The following TOP2B variants were observed in gnomAD, a reference collection of about 807,000 sequenced individuals.
The protein encoded by TOP2B is DNA topoisomerase 2-beta.
TOP2B carries 51 observed loss-of-function variants against 193.5 expected under a neutral mutation model. That is an observed-to-expected ratio of 0.26 (90% CI 0.21 to 0.33). The LOEUF (loss-of-function observed/expected upper bound fraction) is 0.33. Ranked by LOEUF, TOP2B falls within the 10% of genes least tolerant of loss-of-function variation. The pLI is 1.00. For synonymous variants in TOP2B, 634 were observed against 635.7 expected (o/e 1.00, Z 0.04); for missense variants, 1,378 against 1,909.3 (o/e 0.72, Z 5.19).
In TOP2B at chr3:25,598,411, C is replaced by G. The variant is rs894117804; in HGVS notation, c.4777G>C (p.Glu1593Gln). Residue 1593 changes from glutamate (E) to glutamine (Q), a missense_variant, in exon 36 of 36, where the codon GAG becomes CAG. Physicochemically the swap from Glu to Gln is conservative, Grantham distance 29. This residue lies in a region of TOP2B where 556 missense variants were observed against 584.2 expected (regional missense o/e 0.95). Transcript: ENST00000264331. ...VDIFPSDFPT[E>Q]PPSLPRTGRA... ...CCGGTTCGTGGCAGAGAAGGTGGCTCAGTAGGGAAGTCTGAGGGGAAGATG... is the reference window on the plus strand; with the variant it reads ...CCGGTTCGTGGCAGAGAAGGTGGCTGAGTAGGGAAGTCTGAGGGGAAGATG... 6.2e-7 allele frequency: 1 copy of G among 1,613,474 alleles called. No individual in the cohort carries two copies. Among genetic ancestry groups the G allele is most frequent in the Non-Finnish European group, 8.5e-7 (1 of 1,179,616 alleles).
intron 4 of TOP2B, among the ~76,000 whole-genome samples, chr3:25,641,001 C>T (rs909734573): frequency 6.6e-6 from 1 of 152,072 alleles, no homozygotes; most frequent in African/African-American, 2.4e-5. Context: ...AGACTGGTCT[C>T]GAGCTCCTGG....
chr3:25,637,275 A>G lies in TOP2B; in HGVS notation c.579T>C (p.Ile193=). The G allele has an allele frequency of 6.4e-7, 1 of 1,560,260 alleles. No individual in the cohort carries two copies. The highest frequency in any genetic ancestry group is 8.7e-7 in the Non-Finnish European group (1 of 1,150,574). The change falls in exon 6 of 36, where the codon ATT becomes ATC. Residue 193 remains isoleucine (I), a synonymous_variant. Coordinates refer to ENST00000264331, the MANE Select transcript of TOP2B (RefSeq NM_001330700.2). The stretch of plus-strand genomic sequence containing the variant: ...TTTCTACTGTAAACTTTGTACTGAA[A>G]ATATTACAAAGTTTTGCACCATAAC... The part of the protein sequence containing the change: ...RNGYGAKLCN[I]FSTKFTVETA...
At chr3:25,662,986 C>T in intron 1 of TOP2B, among the ~76,000 whole-genome samples, 1 of 152,218 alleles carries the variant, frequency 6.6e-6, no homozygotes, top group Non-Finnish European at 1.5e-5. Context: ...TCCACATGGA[C>T]CACTAACTTA....
intron 28 of TOP2B, among the ~76,000 whole-genome samples, 167 bp downstream of exon 28, chr3:25,612,348 T>A (rs1306925071): frequency 6.6e-6 from 1 of 152,234 alleles, no homozygotes; most frequent in Non-Finnish European, 1.5e-5. Context: ...TTTACCAATA[T>A]GTTTTCCTTC....
intron 1 of TOP2B, among the ~76,000 whole-genome samples, chr3:25,649,782 A>C (rs1319223810): frequency 6.6e-6 from 1 of 152,204 alleles, no homozygotes; most frequent in Non-Finnish European, 1.5e-5. Flanking sequence ...AAAGGATAAA[A>C]AATAGCAACA....
At chr3:25,629,995 T>G in intron 13 of TOP2B, 34 bp downstream of exon 13, 2 of 1,545,366 alleles carry the variant, frequency 1.3e-6, no homozygotes, top group Non-Finnish European at 1.7e-6. Flanking sequence ...GAAGAAGACA[T>G]GAATTTGAAA....
Position 25,664,130 on chromosome 3 carries a change from G to A in TOP2B, c.69+99C>T, listed in dbSNP as rs114032289. The A allele has an allele frequency of 1.6e-3, 2,479 of 1,503,058 alleles. 33 individuals carry two copies. In the African/African-American group the frequency reaches 0.03, roughly 18 times the overall value. 93.1% of individuals were successfully genotyped at this position (1,503,058 alleles called of 1,614,324 possible). On this transcript the variant is annotated intron_variant, in intron 1 of 35. Coordinates refer to ENST00000264331, the MANE Select transcript of TOP2B (RefSeq NM_001330700.2). ...CTATGGAGCGCCCGTTCGGGGGACG[G>A]GATTTCCCTCCCTTTCCCCTCCCCC...
chr3:25,599,243 CAGTT>C (rs1342791849), intron 35 of TOP2B, among the ~76,000 whole-genome samples, 188 bp downstream of exon 35: 1 of 152,064 alleles, frequency 6.6e-6, no homozygotes, highest in Non-Finnish European at 1.5e-5. Context: ...ATTTATAGCA[CAGTT>C]ATTTAGGAAA....
intron 28 of TOP2B, among the ~76,000 whole-genome samples, chr3:25,610,521 C>T (rs1428985397): frequency 1.3e-5 from 2 of 152,142 alleles, no homozygotes; most frequent in Non-Finnish European, 1.5e-5. Flanking sequence ...GCAGAAGGCA[C>T]AAAGCCATCT....
intron 1 of TOP2B, among the ~76,000 whole-genome samples, chr3:25,655,375 C>G (rs7638216): frequency 0.36 from 54,053 of 151,948 alleles, 10,355 homozygotes; most frequent in African/African-American, 0.5. Flanking sequence ...CAGAAAATAA[C>G]TGTTGGTAAG....
At chr3:25,656,197 C>T (rs1703741329) in intron 1 of TOP2B, among the ~76,000 whole-genome samples, 1 of 152,058 alleles carries the variant, frequency 6.6e-6, no homozygotes. Context: ...AAAAGATATA[C>T]CATTCTATTT....
intron 33 of TOP2B, 40 bp downstream of exon 33, chr3:25,604,718 ATC>A (rs764825713): frequency 2.2e-6 from 3 of 1,393,712 alleles, no homozygotes; most frequent in Non-Finnish European, 3.0e-6. Flanking sequence ...TACATTAACT[ATC>A]TCTATCCAAT....
intron 4 of TOP2B, among the ~76,000 whole-genome samples, chr3:25,640,236 C>T (rs1359160389): frequency 1.3e-5 from 2 of 152,016 alleles, no homozygotes; most frequent in Admixed American, 6.6e-5. Flanking sequence ...ATAGTTAAAA[C>T]TCAGAAATAC....
At chr3:25,652,098 C>CA (rs1703608204) in intron 1 of TOP2B, among the ~76,000 whole-genome samples, 1 of 152,120 alleles carries the variant, frequency 6.6e-6, no homozygotes, top group African/African-American at 2.4e-5. Flanking sequence ...TCACAAGAGA[C>CA]AGAGTAGGAC....
intron 4 of TOP2B, among the ~76,000 whole-genome samples, chr3:25,641,759 G>C (rs1703270483): frequency 6.6e-6 from 1 of 151,922 alleles, no homozygotes; most frequent in Non-Finnish European, 1.5e-5. Flanking sequence ...AATTACAAAG[G>C]ATGAATGTAA....
intron 4 of TOP2B, 90 bp from the exon 5 acceptor site, chr3:25,638,400 A>G (rs1201800540): frequency 5.2e-6 from 7 of 1,339,626 alleles, no homozygotes; most frequent in Non-Finnish European, 5.8e-6. Flanking sequence ...TTCATTAAAA[A>G]GTAATCTAGA....
rs1217959861 is a variant in TOP2B, at chr3:25,618,182, G to A, written c.3351+236C>T. The A allele has an allele frequency of 1.1e-5, 5 of 468,146 alleles. No individual in the cohort carries two copies. The East Asian group carries it at 1.7e-4, about 16-fold the overall frequency. 29.0% of individuals were successfully genotyped at this position (468,146 alleles called of 1,614,324 possible). On this transcript the variant is annotated intron_variant, in intron 25 of 35. Transcript: ENST00000264331. ...GAGACTGAGCTACCTTCTCACACCT[G>A]GAGTCATTTCTCCAGGCTCTGGTTG...
rs773737738 is a variant in TOP2B at position 25,633,834 on chromosome 3, T to C, written c.1026+7A>G. 30 of 1,600,448 alleles carry C rather than the reference T, an allele frequency of 1.9e-5. No homozygotes were observed. The South Asian group carries it at 2.9e-4, about 16-fold the overall frequency. ...CTGACTTGGAAACAAATAATTTGCT[T>C]ACTTACTTTTGTAGTTGCAATACTA... On this transcript the variant is annotated splice_region_variant and intron_variant, in intron 8 of 35. Coordinates refer to ENST00000264331, the MANE Select transcript of TOP2B (RefSeq NM_001330700.2).
chr3:25,610,284 T>A (rs1702335965), intron 28 of TOP2B, among the ~76,000 whole-genome samples: 1 of 150,154 alleles, frequency 6.7e-6, no homozygotes. Flanking sequence ...GACCATGGGG[T>A]AAAAAAACAA....
Sources: allele counts gnomAD v4.1 joint callset (sites outside exome capture counted in the v4.1 genomes callset), GRCh38; gene constraint gnomAD v4.1.1; regional missense constraint gnomAD v4.1.1; transcripts MANE v1.5; gene names NCBI Gene and HGNC (gene_info 2026-07-23, HGNC 2026-07-21).